Variants in TBCB observed in about 807,000 individuals in gnomAD.
The protein encoded by TBCB is tubulin-folding cofactor B.
TBCB carries 18 observed loss-of-function variants against 29.2 expected under a neutral mutation model. That is an observed-to-expected ratio of 0.62 (90% confidence interval 0.43 to 0.91). The LOEUF (loss-of-function observed/expected upper bound fraction) is 0.91. Ranked by LOEUF, TBCB falls within the 40% of genes least tolerant of loss-of-function variation. The pLI is 0.00. For synonymous variants in TBCB, 172 were observed against 137.8 expected (o/e 1.25, Z -1.74); for missense variants, 336 against 337.6 (o/e 1.00, Z 0.04).
chr19:36,125,406 C>A, intron 4 of TBCB, 45 bp from the exon 5 acceptor site: 1 of 1,604,578 alleles, frequency 6.2e-7, no homozygotes, highest in South Asian at 1.1e-5. Context: ...ATGGGGATTT[C>A]TTCTATGTCC....
chr19:36,125,717 G>A lies in TBCB; in HGVS notation c.670G>A (p.Val224Ile), dbSNP rs1260663356. The A allele has an allele frequency of 1.3e-6, 2 of 1,582,724 alleles. No homozygotes were observed. The highest frequency in any genetic ancestry group is 1.7e-6 in the Non-Finnish European group (2 of 1,163,636). Residue 224 changes from valine (V) to isoleucine (I), a missense_variant, in exon 6 of 6, where the codon GTC becomes ATC. Physicochemically the swap from Val to Ile is conservative, Grantham distance 29. Transcript: ENST00000221855. Reference protein sequence around the residue: ...FECQAKYGAFVKPAVVTVGDF... With the variant: ...FECQAKYGAFIKPAVVTVGDF... ...ATGCCAGGCCAAGTATGGCGCCTTT[G>A]TCAAGCCAGCAGTCGTGACGGTGGG...
rs746470826 is a variant in TBCB, at chr19:36,115,695, T to A, written c.114+21T>A. Reference sequence around the variant, plus strand: ...TCAAGGTGTGGCCATGGGGGCGGGGTCCGGAGGGGCGGGGCGAAGAAATTG... The same window carrying A: ...TCAAGGTGTGGCCATGGGGGCGGGGACCGGAGGGGCGGGGCGAAGAAATTG... On this transcript the variant is annotated intron_variant, in intron 1 of 5. Coordinates refer to ENST00000221855, the MANE Select transcript of TBCB (RefSeq NM_001281.3). The A allele has an allele frequency of 1.7e-5, 11 of 634,438 alleles. 1 individual carries two copies. Among genetic ancestry groups the A allele is most frequent in the Middle Eastern group, 3.2e-4 (1 of 3,100 alleles). 39.3% of individuals were successfully genotyped at this position (634,438 alleles called of 1,614,324 possible).
rs370358153 is a variant in TBCB at position 36,120,660 on chromosome 19, G to C, written c.259-50G>C. On this transcript the variant is annotated intron_variant, in intron 2 of 5. Transcript: ENST00000221855. ...CTGAAGTCCCTGCACCCAGCACCCA[G>C]GCCTCCCTGGCCAGACCCTGATCCC... 3.8e-6 allele frequency: 6 copies of C among 1,566,584 alleles called. No homozygotes were observed. In the African/African-American group the frequency reaches 5.4e-5, roughly 14 times the overall value.
In TBCB at chr19:36,120,749, G is replaced by A; in HGVS notation, c.298G>A (p.Asp100Asn). The A allele has an allele frequency of 6.2e-7, 1 of 1,614,066 alleles. No individual in the cohort carries two copies. The highest frequency in any genetic ancestry group is 8.5e-7 in the Non-Finnish European group (1 of 1,180,016). ...TGGCGCCCGCCTTGGTGAGTATGAG[G>A]ACGTGTCCCGGGTGGAGAAGTACAC... is the stretch of plus-strand genomic sequence containing the variant. The part of the protein sequence containing the change: ...HSGARLGEYE[D>N]VSRVEKYTIS... Residue 100 changes from aspartate to asparagine, a missense_variant, in exon 3 of 6, where the codon GAC becomes AAC. Transcript: ENST00000221855.
rs1599861599 is a variant in TBCB, at chr19:36,115,527, G to A, written c.-34G>A. 6.5e-7 allele frequency: 1 copy of A among 1,536,508 alleles called. No individual in the cohort carries two copies. Among genetic ancestry groups the A allele is most frequent in the South Asian group, 1.2e-5 (1 of 84,856 alleles). ...CTGCGGAGCGGGTGTGAGGCGGCTG[G>A]ACCGCGCTGCAGGCATCCGCAGGGC... is the stretch of plus-strand genomic sequence containing the variant. On this transcript the variant is annotated 5_prime_UTR_variant, in exon 1 of 6. Transcript: ENST00000221855.
At chr19:36,122,156 A>T (rs1406151426) in intron 4 of TBCB, 1 of 259,354 alleles carries the variant, frequency 3.9e-6, no homozygotes, top group African/African-American at 2.3e-5. Context: ...TTCCCGCCAG[A>T]AGGAGTAGCG....
At chr19:36,115,988 A>G (rs1444524143) in intron 1 of TBCB, 53 bp from the exon 2 acceptor site, 24 of 1,586,934 alleles carry the variant, frequency 1.5e-5, no homozygotes, top group Non-Finnish European at 2.1e-5. Context: ...TCATTGATGC[A>G]AGGGGCGGGG....
chr19:36,115,339 T>G (rs774777504), upstream of TBCB: 9 of 570,086 alleles, frequency 1.6e-5, no homozygotes, highest in African/African-American at 3.9e-5. Flanking sequence ...GGAAGGCCCC[T>G]CTGGATTGGC....
chr19:36,121,852 G>T, intron 4 of TBCB, 134 bp downstream of exon 4: 1 of 1,144,290 alleles, frequency 8.7e-7, no homozygotes, highest in Non-Finnish European at 1.2e-6. Flanking sequence ...AACGATCTCA[G>T]TCCCTGGAGG....
At chr19:36,121,005 CAG>C (rs1974038983) in intron 3 of TBCB, among the ~76,000 whole-genome samples, 199 bp downstream of exon 3, 1 of 141,506 alleles carries the variant, frequency 7.1e-6, no homozygotes, top group African/African-American at 2.7e-5. Context: ...CGGGAGGTGT[CAG>C]GGGTATGGGC....
chr19:36,121,256 T>G (rs555842522), intron 3 of TBCB, among the ~76,000 whole-genome samples: 3 of 151,754 alleles, frequency 2.0e-5, no homozygotes, highest in East Asian at 3.9e-4. Context: ...AGGCGGATGA[T>G]GAAGGCAGAT....
rs754781762 is a variant in TBCB at position 36,115,580 on chromosome 19, C to G, written c.20C>G (p.Ser7Trp). Residue 7 changes from serine to tryptophan, a missense_variant, in exon 1 of 6, where the codon TCG (serine) becomes TGG (tryptophan). Ser to Trp is a radical substitution (Grantham distance 177, BLOSUM62 -3). Transcript: ENST00000221855. ...GGCAAGATGGAGGTGACGGGGGTGT[C>G]GGCACCCACGGTGACCGTTTTCATC... MEVTGV[S>W]APTVTVFISS... 1 of 1,608,980 alleles carries G rather than the reference C, an allele frequency of 6.2e-7. No homozygotes were observed. Among genetic ancestry groups the G allele is most frequent in the Non-Finnish European group, 8.5e-7 (1 of 1,178,026 alleles).
At chr19:36,119,893 C>CAAA (rs574254238) in intron 2 of TBCB, among the ~76,000 whole-genome samples, 1 of 122,188 alleles carries the variant, frequency 8.2e-6, no homozygotes, top group Admixed American at 8.4e-5. Context: ...GAGACTCCGT[C>CAAA]AAAAAAAAAA....
At chr19:36,121,477 T>G (rs1974048159) in intron 3 of TBCB, 50 bp from the exon 4 acceptor site, 2 of 1,518,340 alleles carry the variant, frequency 1.3e-6, no homozygotes, top group African/African-American at 1.4e-5. Flanking sequence ...AGCGTCATCC[T>G]GTTAGGCCCG....
chr19:36,116,502 G>A (rs1264473669), intron 2 of TBCB: 2 of 285,256 alleles, frequency 7.0e-6, no homozygotes, highest in Non-Finnish European at 1.3e-5. Flanking sequence ...AGAGAAAGAG[G>A]TGGAAAGGAG....
At chr19:36,121,827 T>C (rs1273166858) in intron 4 of TBCB, 109 bp downstream of exon 4, 9 of 1,388,270 alleles carry the variant, frequency 6.5e-6, no homozygotes, top group Admixed American at 2.1e-5. Context: ...GGGCGCGGGG[T>C]TGGGGGGGAC....
intron 4 of TBCB, 72 bp from the exon 5 acceptor site, chr19:36,125,379 G>C: frequency 6.5e-7 from 1 of 1,536,280 alleles, no homozygotes; most frequent in Non-Finnish European, 9.0e-7. Flanking sequence ...ATGGATCCAG[G>C]GTGATCCTGA....
Position 36,115,651 on chromosome 19 carries a change from A to T in TBCB, c.91A>T (p.Ser31Cys), listed in dbSNP as rs763353057. Residue 31 changes from serine (S) to cysteine (C), a missense_variant, in exon 1 of 6, where the codon AGC becomes TGC. Physicochemically the swap from Ser to Cys is moderately radical, Grantham distance 112. Coordinates refer to ENST00000221855, the MANE Select transcript of TBCB (RefSeq NM_001281.3). ...CCGCTCCGAGAAGCGATACAGCCGC[A>T]GCCTCACCATCGCTGAGTTCAAGGT... ...TFRSEKRYSRSLTIAEFKCKL... is the reference protein window; with the variant it reads ...TFRSEKRYSRCLTIAEFKCKL... 5 of 1,550,158 alleles carry T rather than the reference A, an allele frequency of 3.2e-6. 1 individual carries two copies. The South Asian group carries it at 5.6e-5, about 17-fold the overall frequency.
Position 36,125,694 on chromosome 19 carries a change from G to A in TBCB, c.647G>A (p.Cys216Tyr). 1 of 1,582,538 alleles carries A rather than the reference G, an allele frequency of 6.3e-7. No homozygotes were observed. The highest frequency in any genetic ancestry group is 8.6e-7 in the Non-Finnish European group (1 of 1,163,638). ...GTGAATGGGAAACGCTACTTCGAAT[G>A]CCAGGCCAAGTATGGCGCCTTTGTC... ...GSVNGKRYFE[C>Y]QAKYGAFVKP... Residue 216 changes from cysteine to tyrosine, a missense_variant, in exon 6 of 6, where the codon TGC becomes TAC. By Grantham distance (194) the Cys-to-Tyr change is radical (BLOSUM62 -2). Transcript: ENST00000221855.
Sources: gnomAD v4.1 joint callset for allele counts (sites outside exome capture counted in the v4.1 genomes callset) on GRCh38, gnomAD v4.1.1 for gene constraint, MANE v1.5 for transcripts, NCBI Gene and HGNC (gene_info 2026-07-23, HGNC 2026-07-21) for gene names.